Variants in ARHGAP39 observed in about 807,000 individuals in gnomAD.
The protein encoded by ARHGAP39 is Rho GTPase activating protein 39.
In ARHGAP39, 44 loss-of-function variants were observed where a neutral mutation model predicts 106.9. That is an observed-to-expected ratio of 0.41 (90% CI 0.32 to 0.53). The LOEUF is 0.53. Ranked by LOEUF, ARHGAP39 falls within the 20% of genes least tolerant of loss-of-function variation. The probability of loss-of-function intolerance (pLI) is 0.21; values close to 1 mark genes in which losing one functional copy is unlikely to be tolerated. For missense variants in ARHGAP39, 1,496 were observed against 1,577.3 expected (o/e 0.95, Z 0.87); for synonymous variants, 768 against 693.2 (o/e 1.11, Z -1.69).
chr8:144,573,293 C>A (rs1818648820), intron 3 of ARHGAP39, among the ~76,000 whole-genome samples: 1 of 152,170 alleles, frequency 6.6e-6, no homozygotes, highest in South Asian at 2.1e-4. Context: ...AGGATGAGTT[C>A]ATGTCCTTTG....
At chr8:144,603,606 C>T (rs1299373016) in intron 2 of ARHGAP39, among the ~76,000 whole-genome samples, 1 of 151,144 alleles carries the variant, frequency 6.6e-6, no homozygotes, top group Non-Finnish European at 1.5e-5. Flanking sequence ...AGAAGAAATG[C>T]TTCAACCCGG....
rs575279306 is a variant in ARHGAP39, at chr8:144,675,911, G to A, written c.-82+9775C>T. On this transcript the variant is annotated intron_variant, in intron 1 of 11. Coordinates refer to ENST00000377307, the MANE Select transcript of ARHGAP39 (RefSeq NM_025251.3). ...CAGGAGTGAAGCTGCAGACCTTCGCGGTGAGTGTTACGGTTCATGAAGATA... is the reference window on the plus strand; with the variant it reads ...CAGGAGTGAAGCTGCAGACCTTCGCAGTGAGTGTTACGGTTCATGAAGATA... Among the ~76,000 whole-genome samples the A allele has an allele frequency of 5.3e-5, 8 of 152,284 alleles. No individual in the cohort carries two copies. In the South Asian group the frequency reaches 8.3e-4, roughly 16 times the overall value.
intron 2 of ARHGAP39, among the ~76,000 whole-genome samples, chr8:144,594,890 G>T (rs995514625): frequency 6.6e-6 from 1 of 151,820 alleles, no homozygotes; most frequent in Non-Finnish European, 1.5e-5. Flanking sequence ...GTCTGAAAAA[G>T]AAAGTTAAAC....
rs1231545879 is a variant in ARHGAP39 at position 144,604,548 on chromosome 8, T to C, written c.80+987A>G. Among the ~76,000 whole-genome samples the C allele has an allele frequency of 6.6e-6, 1 of 152,134 alleles. No homozygotes were observed. The highest frequency in any genetic ancestry group is 1.5e-5 in the Non-Finnish European group (1 of 68,020). ...ATCTGCCACCACATCTGGCTAATTT[T>C]TGTATTTTTTGTAGAGATGGGGTCT... is the stretch of plus-strand genomic sequence containing the variant. On this transcript the variant is annotated intron_variant, in intron 2 of 11. Transcript: ENST00000377307. This position sits in a 1 kb window ranked among gnomAD's most constrained non-coding sequence, Gnocchi z 4.1.
chr8:144,540,997 G>A (rs369949455), intron 6 of ARHGAP39, among the ~76,000 whole-genome samples: 18 of 152,142 alleles, frequency 1.2e-4, no homozygotes, highest in African/African-American at 3.6e-4. Flanking sequence ...GATTACAGGC[G>A]CCCGCCACCA....
intron 2 of ARHGAP39, among the ~76,000 whole-genome samples, chr8:144,603,687 C>CAAAA (rs922284218): frequency 2.3e-4 from 18 of 77,714 alleles, no homozygotes; most frequent in African/African-American, 6.1e-4. Context: ...GAGACTCCAT[C>CAAAA]AAAAAAAAAA....
Position 144,580,987 on chromosome 8 carries a change from G to T in ARHGAP39, c.371C>A (p.Pro124His). ...ACGGCTGACGCTGCTGCCGCGCCCG[G>T]GGCTGCTCTCCGCCGAGGCGCGCGG... is the stretch of plus-strand genomic sequence containing the variant. Reference protein sequence around the residue: ...ESPRASAESSPGRGSSVSREG... With the variant: ...ESPRASAESSHGRGSSVSREG... The change falls in exon 3 of 12, where the codon CCC becomes CAC. Residue 124 changes from proline (P) to histidine (H), a missense_variant. Pro to His is a moderately conservative substitution (Grantham distance 77, BLOSUM62 -2). Coordinates refer to ENST00000377307, the MANE Select transcript of ARHGAP39 (RefSeq NM_025251.3). 6.3e-7 allele frequency: 1 copy of T among 1,598,104 alleles called. No individual in the cohort carries two copies.
rs778460047 is a variant in ARHGAP39 at position 144,547,278 on chromosome 8, A to G, written c.1808T>C (p.Phe603Ser). 6.2e-7 allele frequency: 1 copy of G among 1,612,198 alleles called. No homozygotes were observed. The highest frequency in any genetic ancestry group is 8.5e-7 in the Non-Finnish European group (1 of 1,179,760). ...CTGGGCCAGCGCCTCGTCCTCGCTG[A>G]AGGCCCGCACCACCGGCCCGGGCAT... ...LPMPGPVVRA[F>S]SEDEALAQQE... is the part of the protein sequence containing the mutation. The change falls in exon 5 of 12, where the codon TTC (phenylalanine) becomes TCC (serine). Residue 603 changes from phenylalanine to serine, a missense_variant. By Grantham distance (155) the Phe-to-Ser change is radical (BLOSUM62 -2). This residue lies in a region of ARHGAP39 where 905 missense variants were observed against 816.4 expected (regional missense o/e 1.11). Transcript: ENST00000377307. The surrounding 1 kb of genome is among the most constrained non-coding windows in gnomAD (Gnocchi z 5.2).
At chr8:144,658,439 TA>T in intron 1 of ARHGAP39, among the ~76,000 whole-genome samples, 1 of 152,314 alleles carries the variant, frequency 6.6e-6, no homozygotes, top group East Asian at 1.9e-4. Flanking sequence ...CATGCCCAGC[TA>T]ATTTTGTATT....
the ARHGAP39 span, among the ~76,000 whole-genome samples, chr8:144,691,865 G>A: frequency 1.3e-5 from 2 of 151,912 alleles, no homozygotes; most frequent in East Asian, 1.9e-4. Context: ...CGGCGGGGTG[G>A]CGGGGAGGGG....
intron 1 of ARHGAP39, among the ~76,000 whole-genome samples, chr8:144,626,696 G>A (rs548560670): frequency 2.0e-5 from 3 of 152,308 alleles, no homozygotes; most frequent in East Asian, 3.9e-4. Flanking sequence ...ACCTCCCCAC[G>A]TACAAGGTGG....
At position 144,646,848 on chromosome 8, in the gene ARHGAP39, C is replaced by T. The variant is rs74430931; in HGVS notation, c.-82+38838G>A. On this transcript the variant is annotated intron_variant, in intron 1 of 11. Coordinates refer to ENST00000377307, the MANE Select transcript of ARHGAP39 (RefSeq NM_025251.3). This position sits in a 1 kb window ranked among gnomAD's most constrained non-coding sequence, Gnocchi z 5.7. ...TTTTCTCCACCACACTTGCTGCAGA[C>T]GAGGGTCCGGGACCAGACACGCCCA... Among the ~76,000 whole-genome samples the T allele has an allele frequency of 0.016, 2,468 of 152,178 alleles. 207 individuals carry two copies. The East Asian group carries it at 0.24, about 15-fold the overall frequency.
chr8:144,580,296 C>A (rs948708678), intron 3 of ARHGAP39, among the ~76,000 whole-genome samples: 3 of 152,136 alleles, frequency 2.0e-5, no homozygotes, highest in Admixed American at 6.5e-5. Flanking sequence ...TAGGTCCACA[C>A]ACCCCACGCC....
chr8:144,681,678 C>A (rs1314147215), intron 1 of ARHGAP39, among the ~76,000 whole-genome samples: 1 of 152,176 alleles, frequency 6.6e-6, no homozygotes, highest in Non-Finnish European at 1.5e-5. Context: ...CACAGCCCAT[C>A]CCAGCAGAGA....
At chr8:144,664,576 C>G (rs1408587230) in intron 1 of ARHGAP39, among the ~76,000 whole-genome samples, 2 of 152,218 alleles carry the variant, frequency 1.3e-5, no homozygotes, top group African/African-American at 4.8e-5. Flanking sequence ...TCAACTTGTA[C>G]TCCCAGAATT....
In ARHGAP39 at chr8:144,547,870, A is replaced by T. The variant is rs1484110850; in HGVS notation, c.1216T>A (p.Ser406Thr). 5.0e-6 allele frequency: 8 copies of T among 1,584,536 alleles called. No homozygotes were observed. Among genetic ancestry groups the T allele is most frequent in the Non-Finnish European group, 6.9e-6 (8 of 1,166,194 alleles). ...RQLVYVEQAG[S>T]SPKLRAGPRH... is the part of the protein sequence containing the mutation. ...GGGCCGGCGCGCAGCTTGGGGCTGG[A>T]GCCCGCCTGCTCCACGTAGACCAGC... Residue 406 changes from serine (S) to threonine (T), a missense_variant, in exon 5 of 12, where the codon TCC becomes ACC. Around this residue, in one of 4 missense-constraint regions of ARHGAP39, gnomAD observed 905 missense variants for 816.4 expected, o/e 1.11. Transcript: ENST00000377307. The surrounding 1 kb of genome is among the most constrained non-coding windows in gnomAD (Gnocchi z 5.2).
chr8:144,543,129 T>G (rs565801777), intron 6 of ARHGAP39, among the ~76,000 whole-genome samples: 33 of 152,038 alleles, frequency 2.2e-4, no homozygotes, highest in African/African-American at 7.5e-4. Flanking sequence ...ACCACCATGC[T>G]TGGCTAATTT....
chr8:144,550,983 A>C (rs1403785714), intron 4 of ARHGAP39, among the ~76,000 whole-genome samples: 1 of 152,260 alleles, frequency 6.6e-6, no homozygotes, highest in Non-Finnish European at 1.5e-5. Context: ...AGATTCAACA[A>C]AACAACGTGC....
chr8:144,568,020 C>A (rs548747833), intron 3 of ARHGAP39, among the ~76,000 whole-genome samples: 15 of 152,230 alleles, frequency 9.9e-5, no homozygotes, highest in African/African-American at 3.4e-4. Context: ...CGTCTCCGCA[C>A]ATGGGGAGAA....
Sources: gnomAD v4.1 joint callset for allele counts (sites outside exome capture counted in the v4.1 genomes callset) on GRCh38, gnomAD v4.1.1 for gene constraint, gnomAD v4.1.1 regional missense constraint, Gnocchi (gnomAD v3.1) non-coding constraint, MANE v1.5 for transcripts, NCBI Gene and HGNC (gene_info 2026-07-23, HGNC 2026-07-21) for gene names.